Variants in PDGFD observed in about 807,000 individuals in gnomAD.
PDGFD encodes the protein platelet-derived growth factor D.
In PDGFD, 30 loss-of-function variants were observed where a neutral mutation model predicts 44.7. That is an observed-to-expected ratio of 0.67 (90% CI 0.50 to 0.91). The LOEUF is 0.91. Ranked by LOEUF, PDGFD falls within the 40% of genes least tolerant of loss-of-function variation. The pLI, the probability that PDGFD is intolerant of heterozygous loss-of-function variation, is 0.00. For synonymous variants in PDGFD, 173 were observed against 168.4 expected (o/e 1.03, Z -0.21); for missense variants, 445 against 457.8 (o/e 0.97, Z 0.25).
intron 1 of PDGFD, among the ~76,000 whole-genome samples, chr11:104,051,742 A>G (rs528661431): frequency 1.3e-5 from 2 of 152,164 alleles, no homozygotes; most frequent in South Asian, 4.1e-4. Flanking sequence ...AGATATTATA[A>G]ACACTACTGT....
intron 1 of PDGFD, among the ~76,000 whole-genome samples, chr11:104,070,356 G>A (rs1048999493): frequency 1.3e-5 from 2 of 152,082 alleles, no homozygotes; most frequent in Admixed American, 6.6e-5. Flanking sequence ...AAATCCAACA[G>A]CACAGGGTTC....
chr11:104,148,251 A>T (rs1019868123), intron 1 of PDGFD, among the ~76,000 whole-genome samples: 4 of 152,200 alleles, frequency 2.6e-5, no homozygotes, highest in Non-Finnish European at 5.9e-5. Context: ...TTAAAAAGTG[A>T]CTCAGTCGAT....
chr11:103,946,837 T>G (rs1858674588), intron 4 of PDGFD, among the ~76,000 whole-genome samples: 2 of 152,150 alleles, frequency 1.3e-5, no homozygotes. Context: ...TAATTCATAG[T>G]GGAGGGAATC....
At chr11:104,083,953 T>G (rs575881615) in intron 1 of PDGFD, among the ~76,000 whole-genome samples, 36 of 152,304 alleles carry the variant, frequency 2.4e-4, no homozygotes, top group African/African-American at 8.2e-4. Context: ...TAAAATCCCA[T>G]GTACAGGTTA....
chr11:104,069,075 A>G (rs1462619521), intron 1 of PDGFD, among the ~76,000 whole-genome samples: 1 of 152,224 alleles, frequency 6.6e-6, no homozygotes, highest in Non-Finnish European at 1.5e-5. Flanking sequence ...TGTCTATAAG[A>G]GCAAACAAAA....
At chr11:103,979,897 TCTAA>T (rs1417779387) in intron 3 of PDGFD, among the ~76,000 whole-genome samples, 1 of 152,152 alleles carries the variant, frequency 6.6e-6, no homozygotes, top group African/African-American at 2.4e-5. Context: ...AATTGTTTAT[TCTAA>T]CTAATTGTAA....
chr11:104,002,373 ATGAG>A (rs1048013377), intron 1 of PDGFD, among the ~76,000 whole-genome samples: 7 of 152,082 alleles, frequency 4.6e-5, no homozygotes, highest in Non-Finnish European at 1.0e-4. Context: ...TCTCGTGATA[ATGAG>A]TGAGTTCTCA....
intron 1 of PDGFD, among the ~76,000 whole-genome samples, chr11:104,094,341 C>T (rs1304385504): frequency 1.3e-5 from 2 of 152,086 alleles, no homozygotes; most frequent in African/African-American, 4.8e-5. Context: ...CCCAACCCCA[C>T]CTCTTCTTTC....
intron 6 of PDGFD, among the ~76,000 whole-genome samples, chr11:103,915,202 C>T (rs10791651): frequency 5.3e-4 from 81 of 152,064 alleles, no homozygotes; most frequent in African/African-American, 1.8e-3. Context: ...AAAACCCCAT[C>T]GTCTCAGGCC....
intron 1 of PDGFD, among the ~76,000 whole-genome samples, chr11:104,004,966 C>T (rs1225303977): frequency 2.0e-5 from 3 of 150,528 alleles, no homozygotes; most frequent in South Asian, 4.2e-4. Flanking sequence ...GCAACCTCCG[C>T]CTCCCGGGTT....
intron 1 of PDGFD, among the ~76,000 whole-genome samples, chr11:104,117,771 A>G (rs778122841): frequency 2.6e-5 from 4 of 152,024 alleles, no homozygotes; most frequent in Admixed American, 6.6e-5. Context: ...ATGTTCATGG[A>G]TGCGTACAAT....
At chr11:104,058,178 C>A (rs2134411557) in intron 1 of PDGFD, among the ~76,000 whole-genome samples, 1 of 152,218 alleles carries the variant, frequency 6.6e-6, no homozygotes, top group South Asian at 2.1e-4. Context: ...AAATTAAAAA[C>A]TCTTGGATAA....
At chr11:104,117,093 A>G (rs879593876) in intron 1 of PDGFD, among the ~76,000 whole-genome samples, 4 of 152,076 alleles carry the variant, frequency 2.6e-5, no homozygotes, top group African/African-American at 9.7e-5. Flanking sequence ...AAGTCAATCA[A>G]TGTGATACAC....
At chr11:104,131,863 A>G (rs1861926867) in intron 1 of PDGFD, among the ~76,000 whole-genome samples, 1 of 151,522 alleles carries the variant, frequency 6.6e-6, no homozygotes, top group African/African-American at 2.4e-5. Context: ...TTTCGATAAG[A>G]TAATCTCTAG....
Position 104,000,112 on chromosome 11 carries a change from G to A in PDGFD, c.268C>T (p.Arg90Trp), listed in dbSNP as rs760046138. Residue 90 changes from arginine (R) to tryptophan (W), a missense_variant, in exon 2 of 7, where the codon CGG becomes TGG. Arg to Trp is a moderately radical substitution (Grantham distance 101). Transcript: ENST00000393158. ...TWRLHSQENT[R>W]IQLVFDNQFG... ...TGATTGTCAAACACTAGCTGTATCC[G>A]TGTATTCTCCTGAGAGTGAAGCCGC... The A allele has an allele frequency of 1.2e-5, 20 of 1,613,728 alleles. No individual in the cohort carries two copies. Among genetic ancestry groups the A allele is most frequent in the Middle Eastern group, 1.6e-4 (1 of 6,080 alleles).
chr11:103,977,114 A>G (rs1859196117), intron 3 of PDGFD, among the ~76,000 whole-genome samples: 1 of 152,166 alleles, frequency 6.6e-6, no homozygotes, highest in African/African-American at 2.4e-5. Flanking sequence ...AGATTTCTAG[A>G]CATACACCCT....
At chr11:103,936,345 A>G (rs1160421299) in intron 5 of PDGFD, among the ~76,000 whole-genome samples, 1 of 152,192 alleles carries the variant, frequency 6.6e-6, no homozygotes, top group Non-Finnish European at 1.5e-5. Context: ...CTCAGTTTCT[A>G]AAATATGTTC....
chr11:104,043,442 G>A (rs1010257646), intron 1 of PDGFD, among the ~76,000 whole-genome samples: 3 of 152,142 alleles, frequency 2.0e-5, no homozygotes, highest in African/African-American at 7.2e-5. Flanking sequence ...CCGATTCTTA[G>A]GCTAAACTTC....
chr11:104,096,336 GA>G (rs775993019), intron 1 of PDGFD, among the ~76,000 whole-genome samples: 6 of 151,400 alleles, frequency 4.0e-5, no homozygotes, highest in African/African-American at 1.5e-4. Flanking sequence ...AGGAATGCTG[GA>G]AAAAAAACAG....
Sources: gnomAD v4.1 joint callset for allele counts (sites outside exome capture counted in the v4.1 genomes callset) on GRCh38, gnomAD v4.1.1 for gene constraint, MANE v1.5 for transcripts, NCBI Gene and HGNC (gene_info 2026-07-23, HGNC 2026-07-21) for gene names.